Variants in SLC24A2 observed in about 807,000 individuals in gnomAD.
SLC24A2 encodes the protein solute carrier family 24 member 2.
In SLC24A2, 36 loss-of-function variants were observed where a neutral mutation model predicts 62.0. The observed-to-expected ratio is 0.58, with a 90% confidence interval of 0.44 to 0.77. The LOEUF (loss-of-function observed/expected upper bound fraction) is 0.77. Ranked by LOEUF, SLC24A2 falls within the 30% of genes least tolerant of loss-of-function variation. SLC24A2 has a pLI of 0.00. For missense variants in SLC24A2, 846 were observed against 817.9 expected (o/e 1.03, Z -0.42); for synonymous variants, 358 against 294.0 (o/e 1.22, Z -2.23).
At chr9:19,767,664 G>A (rs571007548) in intron 2 of SLC24A2, among the ~76,000 whole-genome samples, 65 of 152,252 alleles carry the variant, frequency 4.3e-4, no homozygotes, top group Non-Finnish European at 5.9e-5. Context: ...GAGGTGAACC[G>A]GGTACCTCAG....
intron 9 of SLC24A2, among the ~76,000 whole-genome samples, 192 bp downstream of exon 9, chr9:19,527,857 T>G (rs79166162): frequency 6.6e-6 from 1 of 152,300 alleles, no homozygotes; most frequent in East Asian, 1.9e-4. Context: ...CTATGCTGAT[T>G]TAATTCCATG....
intron 2 of SLC24A2, among the ~76,000 whole-genome samples, chr9:19,783,487 C>A (rs757277321): frequency 1.3e-5 from 2 of 152,108 alleles, no homozygotes; most frequent in Non-Finnish European, 2.9e-5. Context: ...GAAAGGTAAG[C>A]TACACAGTCA....
chr9:20,049,900 G>T, the SLC24A2 span, among the ~76,000 whole-genome samples: 1 of 151,796 alleles, frequency 6.6e-6, no homozygotes, highest in African/African-American at 2.4e-5. Flanking sequence ...GCCCAGATAC[G>T]AAGAAAAAAG....
At chr9:19,936,003 CA>C in the SLC24A2 span, among the ~76,000 whole-genome samples, 3 of 152,128 alleles carry the variant, frequency 2.0e-5, no homozygotes, top group Admixed American at 6.5e-5. Flanking sequence ...GCTTTAATCA[CA>C]AAGAGTTTTG....
the SLC24A2 span, among the ~76,000 whole-genome samples, chr9:20,171,578 G>GAAAAGAT: frequency 2.0e-5 from 3 of 151,902 alleles, no homozygotes; most frequent in Admixed American, 1.3e-4. Flanking sequence ...TCTTATATCA[G>GAAAAGAT]ACAAAACAAA....
chr9:20,049,983 A>G, the SLC24A2 span, among the ~76,000 whole-genome samples: 1 of 152,108 alleles, frequency 6.6e-6, no homozygotes, highest in Non-Finnish European at 1.5e-5. Context: ...AAACCTAGCA[A>G]GATACTAGGA....
the SLC24A2 span, among the ~76,000 whole-genome samples, chr9:20,179,557 G>A: frequency 6.6e-5 from 10 of 152,142 alleles, no homozygotes; most frequent in Admixed American, 5.9e-4. Flanking sequence ...CCTCCTCCTG[G>A]AACCACGATG....
the SLC24A2 span, among the ~76,000 whole-genome samples, chr9:19,795,111 T>G: frequency 6.6e-6 from 1 of 152,348 alleles, no homozygotes; most frequent in Admixed American, 6.5e-5. Context: ...GAAAGGAATG[T>G]CACTATTTTC....
At chr9:19,930,444 C>G in the SLC24A2 span, among the ~76,000 whole-genome samples, 73 of 152,256 alleles carry the variant, frequency 4.8e-4, no homozygotes, top group African/African-American at 1.7e-3. Context: ...GGTGGCTACA[C>G]CATCTAAGTT....
chr9:20,126,508 T>C, the SLC24A2 span, among the ~76,000 whole-genome samples: 2 of 152,168 alleles, frequency 1.3e-5, no homozygotes, highest in Non-Finnish European at 2.9e-5. Flanking sequence ...TACATAATCA[T>C]CCATAAATTC....
the SLC24A2 span, among the ~76,000 whole-genome samples, chr9:20,257,226 G>T: frequency 2.0e-5 from 3 of 152,060 alleles, no homozygotes; most frequent in East Asian, 5.8e-4. Flanking sequence ...GATCCCAATT[G>T]CAATTAGTGA....
Position 19,576,854 on chromosome 9 carries a change from C to G in SLC24A2, c.1228+70G>C. The G allele has an allele frequency of 2.6e-6, 3 of 1,159,098 alleles. No homozygotes were observed. The South Asian group carries it at 3.7e-5, about 14-fold the overall frequency. The allele number at this position is 1,159,098 out of a possible 1,614,324, so 71.8% of individuals were successfully genotyped here. A position where few individuals can be genotyped will look rare whatever the true frequency, so the allele number is the denominator to read the frequency against. ...CTGCACTGAGTCAGGGGTGCCCACACTGGTCCTGACTCTCTGCTCCCCTCG... is the reference window on the plus strand; with the variant it reads ...CTGCACTGAGTCAGGGGTGCCCACAGTGGTCCTGACTCTCTGCTCCCCTCG... On this transcript the variant is annotated intron_variant, in intron 6 of 10. Coordinates refer to ENST00000341998, the MANE Select transcript of SLC24A2 (RefSeq NM_020344.4).
At chr9:19,974,287 G>T in the SLC24A2 span, among the ~76,000 whole-genome samples, 1 of 152,240 alleles carries the variant, frequency 6.6e-6, no homozygotes, top group Middle Eastern at 3.4e-3. Context: ...ATTTAACACT[G>T]CTATGAATTT....
At chr9:19,941,102 G>A in the SLC24A2 span, among the ~76,000 whole-genome samples, 1 of 152,172 alleles carries the variant, frequency 6.6e-6, no homozygotes, top group Non-Finnish European at 1.5e-5. Context: ...TGGCTGAGAG[G>A]AGGAAAGACA....
At chr9:20,080,763 A>G in the SLC24A2 span, among the ~76,000 whole-genome samples, 2 of 152,076 alleles carry the variant, frequency 1.3e-5, no homozygotes, top group Non-Finnish European at 2.9e-5. Flanking sequence ...TCTACAATGA[A>G]CTCAAACAAA....
intron 2 of SLC24A2, among the ~76,000 whole-genome samples, chr9:19,636,281 C>CTCTTCTTTTCTTTTCTTTTCTTTTCTT (rs1554690322): frequency 1.3e-5 from 1 of 74,090 alleles, no homozygotes; most frequent in Non-Finnish European, 2.8e-5. Flanking sequence ...TTCTTCTCTT[C>CTCTTCTTTTCTTTTCTTTTCTTTTCTT]TTCTCTTCTT....
At chr9:20,024,337 G>A in the SLC24A2 span, among the ~76,000 whole-genome samples, 6 of 152,140 alleles carry the variant, frequency 3.9e-5, no homozygotes, top group South Asian at 4.1e-4. Context: ...AACAATCAGT[G>A]AACTCACATC....
At chr9:19,704,871 G>A (rs1820464586) in intron 2 of SLC24A2, among the ~76,000 whole-genome samples, 1 of 150,890 alleles carries the variant, frequency 6.6e-6, no homozygotes, top group Non-Finnish European at 1.5e-5. Context: ...TGCCAACTGG[G>A]AAAGTACTTT....
chr9:19,979,849 A>C, the SLC24A2 span, among the ~76,000 whole-genome samples: 1 of 152,064 alleles, frequency 6.6e-6, no homozygotes, highest in African/African-American at 2.4e-5. Flanking sequence ...CGCAACTTTA[A>C]CCTCCATGAG....
Sources: gnomAD v4.1 joint callset for allele counts (sites outside exome capture counted in the v4.1 genomes callset) on GRCh38, gnomAD v4.1.1 for gene constraint, MANE v1.5 for transcripts, NCBI Gene and HGNC (gene_info 2026-07-23, HGNC 2026-07-21) for gene names.